The following AOX1 variants were observed in gnomAD, a reference collection of about 807,000 sequenced individuals.
AOX1 encodes aldehyde oxidase.
A neutral mutation model predicts 169.5 loss-of-function variants in AOX1; 153 were observed. The ratio of observed to expected loss-of-function variants is 0.90; its 90% CI spans 0.79 to 1.03. The LOEUF is 1.03. AOX1 is among the 50% of genes least tolerant of loss of function. The pLI, the probability that AOX1 is intolerant of heterozygous loss-of-function variation, is 0.00. For missense variants in AOX1, 1,656 were observed against 1,663.9 expected (o/e 1.00, Z 0.08); for synonymous variants, 562 against 581.9 (o/e 0.97, Z 0.49).
intron 20 of AOX1, among the ~76,000 whole-genome samples, chr2:200,634,363 T>C (rs1035637924): frequency 2.6e-5 from 4 of 152,010 alleles, no homozygotes; most frequent in African/African-American, 7.2e-5. Flanking sequence ...AGTCTTCTTA[T>C]GTTTGTTTTA....
At chr2:200,587,808 C>T (rs1163721358) in intron 1 of AOX1, among the ~76,000 whole-genome samples, 1 of 152,104 alleles carries the variant, frequency 6.6e-6, no homozygotes, top group Non-Finnish European at 1.5e-5. Flanking sequence ...GTCTTCAATT[C>T]CAATTCTAAT....
At chr2:200,668,526 A>G (rs1306467990) in intron 32 of AOX1, 89 bp from the exon 33 acceptor site, 4 of 1,207,622 alleles carry the variant, frequency 3.3e-6, no homozygotes, top group African/African-American at 3.1e-5. Context: ...TAATTTTAAA[A>G]TTCAAGCAAA....
At chr2:200,611,556 G>C in intron 13 of AOX1, 63 bp downstream of exon 13, 1 of 1,054,250 alleles carries the variant, frequency 9.5e-7, no homozygotes, top group Non-Finnish European at 1.5e-6. Context: ...GTTTATTCCA[G>C]TATATGGTGG....
chr2:200,623,589 T>C (rs1327364969), intron 18 of AOX1, among the ~76,000 whole-genome samples: 1 of 152,256 alleles, frequency 6.6e-6, no homozygotes, highest in Non-Finnish European at 1.5e-5. Flanking sequence ...TCACACAGCC[T>C]CATAGGCTTG....
At chr2:200,642,890 A>G in intron 25 of AOX1, 89 bp downstream of exon 25, 1 of 1,299,452 alleles carries the variant, frequency 7.7e-7, no homozygotes, top group African/African-American at 1.5e-5. Context: ...GGAATTTGAG[A>G]CCCAGAGGGG....
intron 22 of AOX1, among the ~76,000 whole-genome samples, chr2:200,637,252 G>A (rs959648401): frequency 6.6e-6 from 1 of 152,062 alleles, no homozygotes; most frequent in Non-Finnish European, 1.5e-5. Context: ...AATAATAAAA[G>A]CCACAGAAAA....
intron 10 of AOX1, 127 bp from the exon 11 acceptor site, chr2:200,608,847 TGCCCATCACC>T: frequency 1.4e-6 from 1 of 732,948 alleles, no homozygotes; most frequent in Middle Eastern, 4.0e-4. Flanking sequence ...CCACCATCAC[TGCCCATCACC>T]ACCATCACCA....
intron 20 of AOX1, among the ~76,000 whole-genome samples, 155 bp downstream of exon 20, chr2:200,627,604 TC>T (rs1421650536): frequency 6.6e-6 from 1 of 151,994 alleles, no homozygotes; most frequent in Non-Finnish European, 1.5e-5. Context: ...TGTGTTTCCC[TC>T]CGTCTCTGGG....
intron 20 of AOX1, among the ~76,000 whole-genome samples, chr2:200,633,511 T>G (rs1276193485): frequency 6.6e-6 from 1 of 152,112 alleles, no homozygotes; most frequent in Non-Finnish European, 1.5e-5. Flanking sequence ...CTTTTTAAAT[T>G]TTTGCTGTAT....
intron 9 of AOX1, 44 bp downstream of exon 9, chr2:200,604,884 A>C: frequency 5.9e-6 from 5 of 852,668 alleles, no homozygotes; most frequent in Non-Finnish European, 9.2e-6. Flanking sequence ...ATTGAGAAAA[A>C]GGGCTTGGGA....
intron 16 of AOX1, among the ~76,000 whole-genome samples, chr2:200,617,741 G>GA (rs1376981333): frequency 6.6e-6 from 1 of 151,994 alleles, no homozygotes; most frequent in East Asian, 1.9e-4. Context: ...TTTTCAGGAT[G>GA]AAAAAACTTC....
chr2:200,605,347 T>C (rs991371831), intron 9 of AOX1, among the ~76,000 whole-genome samples, 189 bp from the exon 10 acceptor site: 20 of 152,060 alleles, frequency 1.3e-4, no homozygotes, highest in Non-Finnish European at 2.6e-4. Flanking sequence ...AATTCCAGAG[T>C]CTTCCAAGTT....
At chr2:200,621,309 C>T in intron 18 of AOX1, 63 bp downstream of exon 18, 1 of 1,561,526 alleles carries the variant, frequency 6.4e-7, no homozygotes, top group Non-Finnish European at 8.7e-7. Flanking sequence ...TTCATATTTT[C>T]TTAAAGATAC....
chr2:200,650,982 C>G lies in AOX1; in HGVS notation c.2856C>G (p.Ile952Met), dbSNP rs1443395847. 2 of 1,614,038 alleles carry G rather than the reference C, an allele frequency of 1.2e-6. No individual in the cohort carries two copies. Among genetic ancestry groups the G allele is most frequent in the Non-Finnish European group, 1.7e-6 (2 of 1,179,970 alleles). ...KCGLSPEKVRIINMYKEIDQT... is the reference protein window; with the variant it reads ...KCGLSPEKVRMINMYKEIDQT... ...CTCCTTTTCTTTCATAGGTGCGAAT[C>G]ATAAACATGTACAAGGAAATTGATC... is the stretch of plus-strand genomic sequence containing the variant. The change falls in exon 26 of 35, where the codon ATC becomes ATG. Residue 952 changes from isoleucine (I) to methionine (M), a missense_variant. By Grantham distance (10) the Ile-to-Met change is conservative. Transcript: ENST00000374700.
chr2:200,586,510 A>G (rs994923134), intron 1 of AOX1, among the ~76,000 whole-genome samples: 1 of 152,178 alleles, frequency 6.6e-6, no homozygotes, highest in African/African-American at 2.4e-5. Flanking sequence ...TCGTTCCCTC[A>G]ATCCCAGCCG....
At chr2:200,628,048 G>T (rs545613377) in intron 20 of AOX1, among the ~76,000 whole-genome samples, 1 of 151,962 alleles carries the variant, frequency 6.6e-6, no homozygotes, top group African/African-American at 2.4e-5. Flanking sequence ...TTGCCTCTTA[G>T]AAAATAGTTA....
At chr2:200,661,946 G>A (rs2035836542) in intron 30 of AOX1, among the ~76,000 whole-genome samples, 1 of 152,134 alleles carries the variant, frequency 6.6e-6, no homozygotes, top group Non-Finnish European at 1.5e-5. Context: ...TTGACTTTTT[G>A]TTGAAAACAC....
At chr2:200,604,197 G>A (rs2034469973) in intron 8 of AOX1, 100 bp downstream of exon 8, 2 of 844,222 alleles carry the variant, frequency 2.4e-6, no homozygotes, top group South Asian at 1.5e-5. Context: ...TTGGCAAATA[G>A]GTGAGGCCTC....
intron 14 of AOX1, 79 bp from the exon 15 acceptor site, chr2:200,613,725 C>A: frequency 1.5e-6 from 2 of 1,359,582 alleles, no homozygotes; most frequent in Non-Finnish European, 2.0e-6. Flanking sequence ...TAAACTATGG[C>A]TATTTGTCTT....
Sources: gnomAD v4.1 joint callset for allele counts (sites outside exome capture counted in the v4.1 genomes callset) on GRCh38, gnomAD v4.1.1 for gene constraint, MANE v1.5 for transcripts, NCBI Gene and HGNC (gene_info 2026-07-23, HGNC 2026-07-21) for gene names.